The following OR8J1 variants were observed in gnomAD, a reference collection of about 807,000 sequenced individuals.
The protein encoded by OR8J1 is olfactory receptor 8J1.
For missense variants in OR8J1, 400 were observed against 373.0 expected, an observed-to-expected ratio of 1.07 and a Z score of -0.60; for synonymous variants, 157 against 144.3, an observed-to-expected ratio of 1.09 and a Z score of -0.63.
At chr11:56,356,953 T>C (rs932499836) in intron 1 of OR8J1, among the ~76,000 whole-genome samples, 2 of 152,132 alleles carry the variant, frequency 1.3e-5, no homozygotes, top group Non-Finnish European at 2.9e-5. Context: ...CCATCTGTCA[T>C]TCTCTCATAT....
intron 1 of OR8J1, chr11:56,357,562 C>A: frequency 2.1e-6 from 2 of 932,882 alleles, no homozygotes; most frequent in Non-Finnish European, 3.5e-6. Flanking sequence ...GCGGCACATG[C>A]ACACGAACTG....
chr11:56,357,962 T>A, intron 1 of OR8J1: 1 of 895,256 alleles, frequency 1.1e-6, no homozygotes. Context: ...CGCTACTTAA[T>A]GGAAGAAGAT....
At chr11:56,358,168 G>T in intron 1 of OR8J1, 1 of 333,026 alleles carries the variant, frequency 3.0e-6, no homozygotes, top group Non-Finnish European at 5.6e-6. Context: ...AGATTGGGTA[G>T]CTCGAAAGAA....
chr11:56,355,666 C>T (rs761733194), intron 1 of OR8J1, among the ~76,000 whole-genome samples: 6 of 151,902 alleles, frequency 3.9e-5, no homozygotes, highest in Non-Finnish European at 8.8e-5. Context: ...CTCCAACCTG[C>T]CTGGGTGACA....
chr11:56,358,002 A>G, intron 1 of OR8J1: 1 of 855,000 alleles, frequency 1.2e-6, no homozygotes, highest in Non-Finnish European at 1.9e-6. Flanking sequence ...AGTTCTCTCA[A>G]TATATAAAGA....
chr11:56,358,617 C>T (rs1020430878), intron 1 of OR8J1, among the ~76,000 whole-genome samples: 2 of 152,248 alleles, frequency 1.3e-5, no homozygotes, highest in South Asian at 2.1e-4. Flanking sequence ...TTAAAAAAGA[C>T]CTTCCCATAA....
At chr11:56,359,264 G>A (rs569133431) in intron 1 of OR8J1, among the ~76,000 whole-genome samples, 1 of 151,970 alleles carries the variant, frequency 6.6e-6, no homozygotes, top group Non-Finnish European at 1.5e-5. Context: ...TATTAAAATA[G>A]CATTTAAATT....
intron 1 of OR8J1, chr11:56,357,560 T>G: frequency 2.2e-6 from 2 of 919,050 alleles, no homozygotes; most frequent in East Asian, 4.8e-5. Flanking sequence ...GCGCGGCACA[T>G]GCACACGAAC....
At chr11:56,359,866 T>C (rs1852609166) in intron 1 of OR8J1, among the ~76,000 whole-genome samples, 1 of 152,136 alleles carries the variant, frequency 6.6e-6, no homozygotes, top group Non-Finnish European at 1.5e-5. Context: ...TTTGCAGACA[T>C]AAAATGACCT....
Position 56,357,909 on chromosome 11 carries a change from C to T in OR8J1, c.-20-2318C>T, listed in dbSNP as rs1046955568. On this transcript the variant is annotated intron_variant, in intron 1 of 1. Coordinates refer to ENST00000533152, the MANE Select transcript of OR8J1 (RefSeq NM_001005205.3). ...CAAGGGATTTAATGCAGAAGTACAC[C>T]GGAAGGACATCATGGGCCAGAATGT... The T allele has an allele frequency of 9.6e-5, 81 of 840,992 alleles. No homozygotes were observed. In the Admixed American group the frequency reaches 1.1e-3, roughly 12 times the overall value. The allele number at this position is 840,992 out of a possible 1,614,324, so 52.1% of individuals were successfully genotyped here.
intron 1 of OR8J1, chr11:56,357,670 ACAAGAT>A: frequency 4.4e-6 from 7 of 1,574,668 alleles, no homozygotes; most frequent in Non-Finnish European, 5.2e-6. Context: ...TTTGGCATGG[ACAAGAT>A]CTATGAAGGC....
At chr11:56,356,757 C>G (rs1433384000) in intron 1 of OR8J1, among the ~76,000 whole-genome samples, 1 of 152,134 alleles carries the variant, frequency 6.6e-6, no homozygotes, top group Non-Finnish European at 1.5e-5. Flanking sequence ...TGATGTTTCT[C>G]AAGCCTAACC....
rs373490643 is a variant in OR8J1, at chr11:56,361,219, G to A, written c.*22G>A. ...GTAATTTTAAACAGTACAGGTAAAT[G>A]AGGAGAGAGTTAATATAAGCTGCCA... is the stretch of plus-strand genomic sequence containing the variant. On this transcript the variant is annotated 3_prime_UTR_variant, in exon 2 of 2. Coordinates refer to ENST00000533152, the MANE Select transcript of OR8J1 (RefSeq NM_001005205.3). 2.0e-6 allele frequency: 2 copies of A among 1,019,650 alleles called. No individual in the cohort carries two copies. Among genetic ancestry groups the A allele is most frequent in the African/African-American group, 1.6e-5 (1 of 60,736 alleles). The allele number at this position is 1,019,650 out of a possible 1,614,324, so 63.2% of individuals were successfully genotyped here. A position where few individuals can be genotyped will look rare whatever the true frequency, so the allele number is the denominator to read the frequency against.
rs1852637403 is a variant in OR8J1 at position 56,361,437 on chromosome 11, T to C, written c.*240T>C. 2.7e-6 allele frequency: 1 copy of C among 372,738 alleles called. No individual in the cohort carries two copies. Among genetic ancestry groups the C allele is most frequent in the Non-Finnish European group, 4.7e-6 (1 of 211,050 alleles). The allele number at this position is 372,738 out of a possible 1,614,324, so 23.1% of individuals were successfully genotyped here. A position where few individuals can be genotyped will look rare whatever the true frequency, so the allele number is the denominator to read the frequency against. ...CCAATTCTGCCTGGGATTAAGCAGG[T>C]AGACAGTTTGAAATAAAAATGGTTT... On this transcript the variant is annotated 3_prime_UTR_variant, in exon 2 of 2. Transcript: ENST00000533152.
intron 1 of OR8J1, among the ~76,000 whole-genome samples, chr11:56,358,723 C>T (rs914587189): frequency 3.9e-5 from 6 of 152,062 alleles, no homozygotes; most frequent in Admixed American, 2.6e-4. Flanking sequence ...CTTGTTTCTA[C>T]ATTTCTTTAC....
chr11:56,357,364 A>G, intron 1 of OR8J1: 1 of 714,756 alleles, frequency 1.4e-6, no homozygotes, highest in Admixed American at 1.9e-5. Flanking sequence ...CTACTTTAAG[A>G]GATATACCAA....
intron 1 of OR8J1, among the ~76,000 whole-genome samples, chr11:56,358,509 T>G (rs937136904): frequency 4.6e-5 from 7 of 152,176 alleles, no homozygotes; most frequent in African/African-American, 1.7e-4. Flanking sequence ...TCAGATCCTT[T>G]AGGTCTCAAT....
chr11:56,359,925 C>T (rs1852611485), intron 1 of OR8J1, among the ~76,000 whole-genome samples: 1 of 152,094 alleles, frequency 6.6e-6, no homozygotes, highest in Non-Finnish European at 1.5e-5. Context: ...TTAATTGTGG[C>T]TTCAAATGTT....
chr11:56,360,075 T>C (rs1222958385), intron 1 of OR8J1, 152 bp from the exon 2 acceptor site: 3 of 482,594 alleles, frequency 6.2e-6, no homozygotes, highest in African/African-American at 6.0e-5. Flanking sequence ...AATTACCAAG[T>C]TTACTTATTA....
Sources: allele counts gnomAD v4.1 joint callset (sites outside exome capture counted in the v4.1 genomes callset), GRCh38; gene constraint gnomAD v4.1.1; transcripts MANE v1.5; gene names NCBI Gene and HGNC (gene_info 2026-07-23, HGNC 2026-07-21).